The following SPIRE2 variants were observed in gnomAD, a reference collection of about 807,000 sequenced individuals.
The protein encoded by SPIRE2 is protein spire homolog 2.
In SPIRE2, 76 loss-of-function variants were observed where a neutral mutation model predicts 80.7. The observed-to-expected ratio is 0.94, with a 90% CI of 0.78 to 1.14. The LOEUF is 1.14. SPIRE2 is among the 50% of genes most tolerant of loss of function. The pLI is 0.00. For missense variants in SPIRE2, 1,196 were observed against 1,015.3 expected (o/e 1.18, Z -2.42); for synonymous variants, 535 against 432.6 (o/e 1.24, Z -2.94).
intron 1 of SPIRE2, among the ~76,000 whole-genome samples, chr16:89,840,344 G>T (rs1288299161): frequency 6.6e-6 from 1 of 151,024 alleles, no homozygotes; most frequent in Non-Finnish European, 1.5e-5. Flanking sequence ...CCACCTCCCG[G>T]GTTCACATCA....
intron 2 of SPIRE2, 34 bp from the exon 3 acceptor site, chr16:89,850,270 A>C: frequency 3.2e-6 from 5 of 1,578,602 alleles, no homozygotes; most frequent in Non-Finnish European, 2.6e-6. Context: ...ACCCCCCTGC[A>C]GTACCGCCCA....
intron 1 of SPIRE2, among the ~76,000 whole-genome samples, chr16:89,829,019 G>C (rs578183578): frequency 6.6e-6 from 1 of 151,982 alleles, no homozygotes; most frequent in Non-Finnish European, 1.5e-5. Flanking sequence ...GGCCCTGGAC[G>C]TTCCCCTCCC....
chr16:89,845,550 G>A (rs2041550780), intron 2 of SPIRE2, 185 bp downstream of exon 2: 3 of 722,014 alleles, frequency 4.2e-6, no homozygotes, highest in African/African-American at 1.7e-5. Context: ...CAGACGTGGA[G>A]GAGACCGCCG....
chr16:89,836,641 C>T (rs1412786938), intron 1 of SPIRE2, among the ~76,000 whole-genome samples: 1 of 152,008 alleles, frequency 6.6e-6, no homozygotes, highest in African/African-American at 2.4e-5. Context: ...CCCAGAACGA[C>T]CTTGACCTCT....
chr16:89,868,362 T>C (rs372487101), intron 13 of SPIRE2, 146 bp downstream of exon 13: 1 of 896,302 alleles, frequency 1.1e-6, no homozygotes, highest in Non-Finnish European at 1.8e-6. Context: ...CTTTCCAAGA[T>C]AGTGTGCAGT....
intron 1 of SPIRE2, among the ~76,000 whole-genome samples, chr16:89,844,933 A>T (rs1236937670): frequency 6.6e-6 from 1 of 152,046 alleles, no homozygotes; most frequent in Non-Finnish European, 1.5e-5. Flanking sequence ...ATGTTTCCCT[A>T]GGGGCAGCCT....
In SPIRE2 at chr16:89,863,609, A is replaced by C; in HGVS notation, c.1709A>C (p.Lys570Thr). 1 of 1,614,068 alleles carries C rather than the reference A, an allele frequency of 6.2e-7. No individual in the cohort carries two copies. Among genetic ancestry groups the C allele is most frequent in the African/African-American group, 1.3e-5 (1 of 75,042 alleles). Residue 570 changes from lysine (K) to threonine (T), a missense_variant and splice_region_variant, in exon 11 of 15, where the codon AAG becomes ACG. By Grantham distance (78) the Lys-to-Thr change is moderately conservative (BLOSUM62 -1). Coordinates refer to ENST00000378247, the MANE Select transcript of SPIRE2 (RefSeq NM_032451.2). The surrounding 1 kb of genome is among the most constrained non-coding windows in gnomAD (Gnocchi z 4.3). ...CTCTTCAGCAGTCTGAAGAAGGGGA[A>C]GGTGAGGCTGCCTAGACGTGGGGCT... ...KELFSSLKKGKICCCCRAKFP... is the reference protein window; with the variant it reads ...KELFSSLKKGTICCCCRAKFP...
intron 12 of SPIRE2, among the ~76,000 whole-genome samples, chr16:89,865,527 A>G (rs2041781569): frequency 6.6e-6 from 1 of 152,202 alleles, no homozygotes; most frequent in Non-Finnish European, 1.5e-5. Context: ...ATCCAAAAAA[A>G]GGTAGGAAAA....
intron 7 of SPIRE2, among the ~76,000 whole-genome samples, chr16:89,858,037 C>A (rs2041707931): frequency 6.6e-6 from 1 of 152,024 alleles, no homozygotes; most frequent in South Asian, 2.1e-4. Context: ...CGCGTGCCAC[C>A]ACGCCTGGCT....
At chr16:89,869,053 A>AAACAAACATATATATATGTATATAT in intron 13 of SPIRE2, among the ~76,000 whole-genome samples, 1 of 24,036 alleles carries the variant, frequency 4.2e-5, no homozygotes, top group African/African-American at 1.6e-4. Context: ...AAAAAAAAAA[A>AAACAAACATATATATATGTATATAT]ATATATATAT....
chr16:89,863,690 G>A lies in SPIRE2; in HGVS notation c.1710+80G>A. The A allele has an allele frequency of 6.2e-7, 1 of 1,611,740 alleles. No homozygotes were observed. ...GCCGAGAGGGCCAGTTCCCAGGACT[G>A]TTTGCTCATGATCTGGTTGGGAGCC... On this transcript the variant is annotated intron_variant, in intron 11 of 14. Transcript: ENST00000378247. The surrounding 1 kb of genome is among the most constrained non-coding windows in gnomAD (Gnocchi z 4.3).
intron 1 of SPIRE2, 83 bp from the exon 2 acceptor site, chr16:89,845,239 C>T (rs2041546711): frequency 7.8e-7 from 1 of 1,275,614 alleles, no homozygotes; most frequent in Non-Finnish European, 1.1e-6. Context: ...GTGTGTGTCC[C>T]CGAGGGGGAG....
intron 1 of SPIRE2, among the ~76,000 whole-genome samples, chr16:89,833,203 G>A (rs1309031288): frequency 6.6e-6 from 1 of 151,968 alleles, no homozygotes; most frequent in African/African-American, 2.4e-5. Context: ...TGGCCAGGCT[G>A]GTCTCGAACT....
rs1341580393 is a variant in SPIRE2 at position 89,870,573 on chromosome 16, G to C, written c.*301G>C. On this transcript the variant is annotated 3_prime_UTR_variant, in exon 15 of 15. Transcript: ENST00000378247. ...GCAGAAGGTTCTAGATCCTGGCACA[G>C]ACTGCATCCCATGTTCCCATGCTCT... 1 of 292,564 alleles carries C rather than the reference G, an allele frequency of 3.4e-6. No individual in the cohort carries two copies. Among genetic ancestry groups the C allele is most frequent in the East Asian group, 6.9e-5 (1 of 14,400 alleles). The allele number at this position is 292,564 out of a possible 1,614,324, so 18.1% of individuals were successfully genotyped here. A position where few individuals can be genotyped will look rare whatever the true frequency, so the allele number is the denominator to read the frequency against.
chr16:89,852,093 TC>T (rs1317057453), intron 3 of SPIRE2, among the ~76,000 whole-genome samples: 2 of 68,126 alleles, frequency 2.9e-5, no homozygotes, highest in African/African-American at 6.2e-5. Flanking sequence ...TCTTCCATCC[TC>T]CCCCCACCCA....
At position 89,863,576 on chromosome 16, in the gene SPIRE2, A is replaced by G. The variant is rs780902312; in HGVS notation, c.1676A>G (p.Asn559Ser). Residue 559 changes from asparagine to serine, a missense_variant, in exon 11 of 15, where the codon AAC (asparagine) becomes AGC (serine). By Grantham distance (46) the Asn-to-Ser change is conservative (BLOSUM62 1). Coordinates refer to ENST00000378247, the MANE Select transcript of SPIRE2 (RefSeq NM_032451.2). This position sits in a 1 kb window ranked among gnomAD's most constrained non-coding sequence, Gnocchi z 4.3. ...VKAEMEKFLQNKELFSSLKKG... is the reference protein window; with the variant it reads ...VKAEMEKFLQSKELFSSLKKG... Reference sequence around the variant, plus strand: ...GCCGAGATGGAAAAGTTTTTGCAGAACAAGGAGCTCTTCAGCAGTCTGAAG... The same window carrying G: ...GCCGAGATGGAAAAGTTTTTGCAGAGCAAGGAGCTCTTCAGCAGTCTGAAG... 34 of 1,613,998 alleles carry G rather than the reference A, an allele frequency of 2.1e-5. No homozygotes were observed. In the South Asian group the frequency reaches 3.5e-4, roughly 17 times the overall value.
In SPIRE2 at chr16:89,863,434, G is replaced by A. The variant is rs9933425; in HGVS notation, c.1576-42G>A. ...CAGGGAAGGAGAGTAAGCTAGGGGA[G>A]CCTCCTGCATAGAAGACTTCCTACC... On this transcript the variant is annotated intron_variant, in intron 10 of 14. Coordinates refer to ENST00000378247, the MANE Select transcript of SPIRE2 (RefSeq NM_032451.2). This position sits in a 1 kb window ranked among gnomAD's most constrained non-coding sequence, Gnocchi z 4.3. 173 of 1,611,026 alleles carry A rather than the reference G, an allele frequency of 1.1e-4. 1 individual carries two copies. In the African/African-American group the frequency reaches 1.9e-3, roughly 18 times the overall value.
chr16:89,840,540 G>T (rs927682726), intron 1 of SPIRE2, among the ~76,000 whole-genome samples: 1 of 150,442 alleles, frequency 6.6e-6, no homozygotes, highest in African/African-American at 2.4e-5. Flanking sequence ...GAGCCACCAT[G>T]TCTGGCCCAA....
In SPIRE2 at chr16:89,863,997, G is replaced by T; in HGVS notation, c.1778+136G>T. 1.6e-6 allele frequency: 1 copy of T among 631,104 alleles called. No homozygotes were observed. 39.1% of individuals were successfully genotyped at this position (631,104 alleles called of 1,614,324 possible). A position where few individuals can be genotyped will look rare whatever the true frequency, so the allele number is the denominator to read the frequency against. On this transcript the variant is annotated intron_variant, in intron 12 of 14. Coordinates refer to ENST00000378247, the MANE Select transcript of SPIRE2 (RefSeq NM_032451.2). The surrounding 1 kb of genome is among the most constrained non-coding windows in gnomAD (Gnocchi z 4.3). The stretch of plus-strand genomic sequence containing the variant: ...GATGGCTGATGAGTCCACAAGATAT[G>T]GTTAGTACGAATGAGGAGTTAAATT...
Sources: allele counts gnomAD v4.1 joint callset (sites outside exome capture counted in the v4.1 genomes callset), GRCh38; gene constraint gnomAD v4.1.1; non-coding constraint Gnocchi (gnomAD v3.1); transcripts MANE v1.5; gene names NCBI Gene and HGNC (gene_info 2026-07-23, HGNC 2026-07-21).